CATSPERG: variants seen among roughly 807,000 people sequenced by gnomAD.
CATSPERG encodes cation channel sperm-associated auxiliary subunit gamma.
A neutral mutation model predicts 145.0 loss-of-function variants in CATSPERG; 115 were observed. The ratio of observed to expected loss-of-function variants is 0.79; its 90% CI spans 0.68 to 0.93. CATSPERG has a LOEUF of 0.93. Ranked by LOEUF, CATSPERG falls within the 40% of genes least tolerant of loss-of-function variation. The pLI is 0.00. For synonymous variants in CATSPERG, 588 were observed against 589.0 expected, an observed-to-expected ratio of 1.00 and a Z score of 0.02; for missense variants, 1,296 against 1,490.1, an observed-to-expected ratio of 0.87 and a Z score of 2.14.
intron 24 of CATSPERG, 43 bp downstream of exon 24, chr19:38,367,615 T>A (rs1258346412): frequency 6.2e-7 from 1 of 1,610,458 alleles, no homozygotes; most frequent in Admixed American, 1.7e-5. Flanking sequence ...GTGGAGGGAG[T>A]GGAAGGAGAT....
At chr19:38,346,416 G>A in intron 6 of CATSPERG, 34 bp from the exon 7 acceptor site, 1 of 1,500,686 alleles carries the variant, frequency 6.7e-7, no homozygotes. Context: ...AGAGTGGGGA[G>A]AGTGTTGGCG....
At chr19:38,350,531 C>T (rs73043028) in intron 7 of CATSPERG, among the ~76,000 whole-genome samples, 3,517 of 152,246 alleles carry the variant, frequency 0.023, 58 homozygotes, top group South Asian at 0.045. Flanking sequence ...GCACGTGTCA[C>T]CACGTCCAGC....
intron 8 of CATSPERG, among the ~76,000 whole-genome samples, chr19:38,353,711 A>AG (rs1476485804): frequency 1.7e-4 from 25 of 148,444 alleles, no homozygotes; most frequent in South Asian, 1.1e-3. Context: ...AAAAAAAAAA[A>AG]AAAGAAAAAG....
At chr19:38,351,554 G>A (rs1970140610) in intron 7 of CATSPERG, among the ~76,000 whole-genome samples, 2 of 151,298 alleles carry the variant, frequency 1.3e-5, no homozygotes, top group African/African-American at 4.9e-5. Context: ...CTTGCAGTGA[G>A]CCAAGATCAC....
Position 38,360,583 on chromosome 19 carries a change from C to T in CATSPERG, c.1703C>T (p.Ser568Phe). ...VHISLKLMQQSSLYASNETML... is the reference protein window; with the variant it reads ...VHISLKLMQQFSLYASNETML... The stretch of plus-strand genomic sequence containing the variant: ...ATCAGCTTAAAGCTGATGCAACAGT[C>T]CTCTCTCTACGCATCCAATGAGACC... Residue 568 changes from serine (S) to phenylalanine (F), a missense_variant, in exon 15 of 29, where the codon TCC (serine) becomes TTC (phenylalanine). Coordinates refer to ENST00000409235, the MANE Select transcript of CATSPERG (RefSeq NM_021185.5). 6.2e-7 allele frequency: 1 copy of T among 1,614,204 alleles called. No homozygotes were observed. The highest frequency in any genetic ancestry group is 8.5e-7 in the Non-Finnish European group (1 of 1,180,034).
intron 3 of CATSPERG, among the ~76,000 whole-genome samples, chr19:38,340,013 C>G (rs1442938792): frequency 8.5e-5 from 13 of 152,080 alleles, no homozygotes; most frequent in Admixed American, 8.5e-4. Flanking sequence ...CGCCACCATG[C>G]CTGGCTAATT....
At position 38,337,482 on chromosome 19, in the gene CATSPERG, A is replaced by G; in HGVS notation, c.248A>G (p.Asp83Gly). Residue 83 changes from aspartate (D) to glycine (G), a missense_variant, in exon 2 of 29, where the codon GAC (aspartate) becomes GGC (glycine). Transcript: ENST00000409235. ...AGCAGCTTGTTTCACATGCTGGTGG[A>G]CTCACCCATCGACCCGAGCGAGGTG... ...TVSSLFHMLV[D>G]SPIDPSEKYL... 1 of 1,552,016 alleles carries G rather than the reference A, an allele frequency of 6.4e-7. No individual in the cohort carries two copies. Among genetic ancestry groups the G allele is most frequent in the Middle Eastern group, 1.7e-4 (1 of 5,994 alleles).
chr19:38,356,989 T>G, intron 11 of CATSPERG, 128 bp downstream of exon 11: 1 of 1,212,448 alleles, frequency 8.2e-7, no homozygotes. Flanking sequence ...TCACTCCTGG[T>G]TGAGGAGTAG....
chr19:38,337,683 G>A (rs1293862864), intron 3 of CATSPERG, 37 bp downstream of exon 3: 19 of 1,517,448 alleles, frequency 1.3e-5, no homozygotes, highest in Non-Finnish European at 1.7e-5. Context: ...CATTCTATGA[G>A]CCTTGGTTTT....
Position 38,356,809 on chromosome 19 carries a change from G to T in CATSPERG, c.1263G>T (p.Glu421Asp). The T allele has an allele frequency of 6.2e-7, 1 of 1,614,176 alleles. No homozygotes were observed. The highest frequency in any genetic ancestry group is 8.5e-7 in the Non-Finnish European group (1 of 1,180,036). ...AGEYTLLLLV[E>D]SGYGNASKRF... ...AGTATACTCTACTGCTGCTGGTGGA[G>T]AGTGGATATGGTAATGCAAGTAAAC... The change falls in exon 11 of 29, where the codon GAG (glutamate) becomes GAT (aspartate). Residue 421 changes from glutamate (E) to aspartate (D), a missense_variant. By Grantham distance (45) the Glu-to-Asp change is conservative. Coordinates refer to ENST00000409235, the MANE Select transcript of CATSPERG (RefSeq NM_021185.5).
At chr19:38,353,027 CAAAAA>C (rs61080753) in intron 8 of CATSPERG, among the ~76,000 whole-genome samples, 100 of 61,564 alleles carry the variant, frequency 1.6e-3, no homozygotes, top group African/African-American at 6.5e-3. Context: ...GACCCTGTTT[CAAAAA>C]AAAAAAAAAA....
chr19:38,353,924 G>A (rs556530092), intron 8 of CATSPERG, among the ~76,000 whole-genome samples: 151 of 148,904 alleles, frequency 1.0e-3, no homozygotes, highest in African/African-American at 3.6e-3. Flanking sequence ...CCCAGGAGGC[G>A]GGGCTGCAGT....
Position 38,359,526 on chromosome 19 carries a change from A to G in CATSPERG, c.1553A>G (p.Lys518Arg). Residue 518 changes from lysine (K) to arginine (R), a missense_variant, in exon 14 of 29, where the codon AAA (lysine) becomes AGA (arginine). Transcript: ENST00000409235. ...GACTTCCCCAAGGAACTGTCCATCA[A>G]ATACATGGCCAGATCGTTCCGTGGG... ...LADFPKELSIKYMARSFRGAV... is the reference protein window; with the variant it reads ...LADFPKELSIRYMARSFRGAV... 1.2e-6 allele frequency: 2 copies of G among 1,613,802 alleles called. No individual in the cohort carries two copies. Among genetic ancestry groups the G allele is most frequent in the Non-Finnish European group, 8.5e-7 (1 of 1,179,802 alleles).
In CATSPERG at chr19:38,368,071, C is replaced by T. The variant is rs138332562; in HGVS notation, c.2954C>T (p.Thr985Met). ...AGGACCAACAGCCTTATCTGGACCA[C>T]GAGGACCACAAGGACCACCAAAGAC... ...LDKTNSLIWT[T>M]RTTRTTKDSA... The change falls in exon 26 of 29, where the codon ACG becomes ATG. Residue 985 changes from threonine to methionine, a missense_variant. Thr to Met is a moderately conservative substitution (Grantham distance 81). Coordinates refer to ENST00000409235, the MANE Select transcript of CATSPERG (RefSeq NM_021185.5). 2.4e-4 allele frequency: 386 copies of T among 1,614,066 alleles called. 2 individuals are homozygous for T. The highest frequency in any genetic ancestry group is 5.7e-4 in the South Asian group (52 of 91,090).
chr19:38,351,289 C>T lies in CATSPERG; in HGVS notation c.826-972C>T, dbSNP rs745629658. Among the ~76,000 whole-genome samples, 7 of 151,736 alleles carry T rather than the reference C, an allele frequency of 4.6e-5. No homozygotes were observed. In the South Asian group the frequency reaches 6.3e-4, roughly 14 times the overall value. Reference sequence around the variant, plus strand: ...GACCAGGGCAATGTAGCAAGACTCCCGTCTACACAGTTATTTATTTATTTT... The same window carrying T: ...GACCAGGGCAATGTAGCAAGACTCCTGTCTACACAGTTATTTATTTATTTT... On this transcript the variant is annotated intron_variant, in intron 7 of 28. Coordinates refer to ENST00000409235, the MANE Select transcript of CATSPERG (RefSeq NM_021185.5).
chr19:38,347,778 T>C (rs1040903843), intron 7 of CATSPERG, among the ~76,000 whole-genome samples: 2 of 151,870 alleles, frequency 1.3e-5, no homozygotes, highest in Non-Finnish European at 2.9e-5. Context: ...CTGTCTCTAC[T>C]AGAAGTACAA....
Position 38,354,720 on chromosome 19 carries a change from T to C in CATSPERG, c.1008T>C (p.Ile336=). 6.2e-7 allele frequency: 1 copy of C among 1,614,110 alleles called. No individual in the cohort carries two copies. Among genetic ancestry groups the C allele is most frequent in the Non-Finnish European group, 8.5e-7 (1 of 1,179,958 alleles). The change falls in exon 9 of 29, where the codon ATT becomes ATC. Residue 336 remains isoleucine (I), a synonymous_variant. Coordinates refer to ENST00000409235, the MANE Select transcript of CATSPERG (RefSeq NM_021185.5). ...YERNRGSGSW[I]RVLASECIKK... Reference sequence around the variant, plus strand: ...TACTGACTTCACTAGGCAGTTGGATTCGTGTCCTGGCCAGCGAGTGCATCA... The same window carrying C: ...TACTGACTTCACTAGGCAGTTGGATCCGTGTCCTGGCCAGCGAGTGCATCA...
chr19:38,368,114 G>T lies in CATSPERG; in HGVS notation c.2997G>T (p.Met999Ile). Residue 999 changes from methionine to isoleucine, a missense_variant, in exon 26 of 29, where the codon ATG (methionine) becomes ATT (isoleucine). Physicochemically the swap from Met to Ile is conservative, Grantham distance 10. Coordinates refer to ENST00000409235, the MANE Select transcript of CATSPERG (RefSeq NM_021185.5). ...CCAAAGACTCAGCCTTTCACATCAT[G>T]TCCCACGAGAGCCCAGGCATCGAGT... Reference protein sequence around the residue: ...RTTKDSAFHIMSHESPGIEWL... With the variant: ...RTTKDSAFHIISHESPGIEWL... 1 of 1,614,136 alleles carries T rather than the reference G, an allele frequency of 6.2e-7. No individual in the cohort carries two copies. The highest frequency in any genetic ancestry group is 8.5e-7 in the Non-Finnish European group (1 of 1,180,032).
Position 38,343,733 on chromosome 19 carries a change from G to C in CATSPERG, c.469+9G>C, listed in dbSNP as rs975521662. On this transcript the variant is annotated intron_variant, in intron 4 of 28. Transcript: ENST00000409235. ...CCCCTTCCGCAGCAAAGGTGGGCCTGGGGGAGGCGGGAGGGATCGCAACCT... is the reference window on the plus strand; with the variant it reads ...CCCCTTCCGCAGCAAAGGTGGGCCTCGGGGAGGCGGGAGGGATCGCAACCT... 6.5e-7 allele frequency: 1 copy of C among 1,548,000 alleles called. No individual in the cohort carries two copies. The highest frequency in any genetic ancestry group is 2.4e-5 in the East Asian group (1 of 40,934).
Sources: gnomAD v4.1 joint callset for allele counts (sites outside exome capture counted in the v4.1 genomes callset) on GRCh38, gnomAD v4.1.1 for gene constraint, MANE v1.5 for transcripts, NCBI Gene and HGNC (gene_info 2026-07-23, HGNC 2026-07-21) for gene names.